The following PHF21B variants were observed in gnomAD, a reference collection of about 807,000 sequenced individuals.
The protein encoded by PHF21B is PHD finger protein 4.
PHF21B carries 22 observed loss-of-function variants against 62.2 expected under a neutral mutation model. The ratio of observed to expected loss-of-function variants is 0.35; its 90% confidence interval spans 0.25 to 0.51. PHF21B has a LOEUF of 0.51. Ranked by LOEUF, PHF21B falls within the 20% of genes least tolerant of loss-of-function variation. The pLI, the probability that PHF21B is intolerant of heterozygous loss-of-function variation, is 0.97. For missense variants in PHF21B, 701 were observed against 707.9 expected, an observed-to-expected ratio of 0.99 and a Z score of 0.11; for synonymous variants, 341 against 314.7, an observed-to-expected ratio of 1.08 and a Z score of -0.88.
At chr22:45,008,016 G>A (rs2073357622) in intron 2 of PHF21B, 2 of 152,182 alleles carry the variant, frequency 1.3e-5, no homozygotes, top group African/African-American at 4.8e-5. Flanking sequence ...GAGTCCCGGG[G>A]GCGCGTTTCT....
At chr22:45,008,839 G>A in intron 1 of PHF21B, 3 of 1,183,786 alleles carry the variant, frequency 2.5e-6, no homozygotes, top group Middle Eastern at 3.4e-4. Context: ...CGGGGCGGGG[G>A]CCGAGGCCAC....
At chr22:44,905,618 CTT>C (rs959907915) in intron 5 of PHF21B, among the ~76,000 whole-genome samples, 39 of 152,190 alleles carry the variant, frequency 2.6e-4, no homozygotes, top group African/African-American at 9.1e-4. Flanking sequence ...GGCACAATTT[CTT>C]TTTGTTTTTT....
At position 45,009,981 on chromosome 22, in the gene PHF21B, C is replaced by T. The variant is rs927306572; in HGVS notation, c.-432G>A. The T allele has an allele frequency of 2.0e-4, 30 of 146,486 alleles. No individual in the cohort carries two copies. The highest frequency in any genetic ancestry group is 3.5e-3 in the Middle Eastern group (1 of 288). 9.1% of individuals were successfully genotyped at this position (146,486 alleles called of 1,614,324 possible). On this transcript the variant is annotated 5_prime_UTR_variant, in exon 1 of 13. Transcript: ENST00000313237. This position sits in a 1 kb window ranked among gnomAD's most constrained non-coding sequence, Gnocchi z 5.9. ...TCGTTGGGCCTCGGCAAAGTTGTGC[C>T]TCGGCACGATGCTAATTCGGCAGTG...
At chr22:44,891,644 A>AC (rs2070967720) in intron 7 of PHF21B, among the ~76,000 whole-genome samples, 3 of 152,192 alleles carry the variant, frequency 2.0e-5, no homozygotes, top group African/African-American at 7.2e-5. Flanking sequence ...CTAGCTCAGG[A>AC]AGGGCCGTCA....
chr22:44,998,440 G>C (rs1379425442), intron 2 of PHF21B, among the ~76,000 whole-genome samples: 1 of 152,144 alleles, frequency 6.6e-6, no homozygotes, highest in Admixed American at 6.6e-5. Flanking sequence ...AGTCACAGGG[G>C]CCCGATCTTG....
rs377597419 is a variant in PHF21B, at chr22:44,896,045, C to T, written c.870G>A (p.Thr290=). Residue 290 remains threonine, a synonymous_variant, in exon 6 of 13, where the codon ACG becomes ACA. Transcript: ENST00000313237. ...ATCCTTCCTTACCTTCCAAATGTTCCGTGGTAACCAGGCCTAGCGCTACCA... is the reference window on the plus strand; with the variant it reads ...ATCCTTCCTTACCTTCCAAATGTTCTGTGGTAACCAGGCCTAGCGCTACCA... ...AFMVALGLVT[T]EHLEEIQSKR... is the part of the protein sequence containing the mutation. 63 of 1,614,050 alleles carry T rather than the reference C, an allele frequency of 3.9e-5. No individual in the cohort carries two copies. The highest frequency in any genetic ancestry group is 2.9e-4 in the African/African-American group (22 of 74,932).
chr22:44,921,560 T>C (rs1441068685), intron 2 of PHF21B, among the ~76,000 whole-genome samples: 1 of 150,230 alleles, frequency 6.7e-6, no homozygotes, highest in Non-Finnish European at 1.5e-5. Flanking sequence ...AGAGACGGGG[T>C]TTCACCGTGT....
chr22:44,935,561 C>CCGAGAT (rs1325729002), intron 2 of PHF21B, among the ~76,000 whole-genome samples: 3 of 151,904 alleles, frequency 2.0e-5, no homozygotes, highest in African/African-American at 7.3e-5. Context: ...TTGCAGTGAG[C>CCGAGAT]CGAGATCGAG....
At chr22:44,998,968 C>G (rs2073166358) in intron 2 of PHF21B, among the ~76,000 whole-genome samples, 1 of 152,148 alleles carries the variant, frequency 6.6e-6, no homozygotes, top group Non-Finnish European at 1.5e-5. Context: ...GGGTTTGACT[C>G]AACCCTGAGC....
chr22:44,986,053 CCAT>C (rs1386805321), intron 2 of PHF21B, among the ~76,000 whole-genome samples: 1 of 151,318 alleles, frequency 6.6e-6, no homozygotes, highest in Admixed American at 6.6e-5. Context: ...ACCACCACTA[CCAT>C]CACAATGATC....
intron 5 of PHF21B, among the ~76,000 whole-genome samples, chr22:44,901,128 C>G (rs1162149495): frequency 6.6e-6 from 1 of 152,200 alleles, no homozygotes; most frequent in Non-Finnish European, 1.5e-5. Flanking sequence ...TGGGGCCATC[C>G]AGCAGCTCGG....
intron 1 of PHF21B, chr22:45,008,968 G>A (rs929099594): frequency 7.0e-5 from 76 of 1,080,418 alleles, no homozygotes; most frequent in Non-Finnish European, 8.3e-5. Flanking sequence ...AACACGGCGA[G>A]TCCGTGTCGA....
At chr22:44,935,346 G>A (rs1276662737) in intron 2 of PHF21B, among the ~76,000 whole-genome samples, 1 of 152,058 alleles carries the variant, frequency 6.6e-6, no homozygotes, top group Non-Finnish European at 1.5e-5. Flanking sequence ...CGGGCGCGGT[G>A]GCTCACGCCT....
chr22:44,945,725 GGT>G (rs147723644), intron 2 of PHF21B, among the ~76,000 whole-genome samples: 94,226 of 134,896 alleles, frequency 0.7, 30,845 homozygotes, highest in Non-Finnish European at 0.75. Context: ...TTGGGGGGGG[GGT>G]GGTATAAAGC....
Position 44,933,383 on chromosome 22 carries a change from T to C in PHF21B, c.121-12893A>G, listed in dbSNP as rs2071780353. 3.4e-6 allele frequency: 3 copies of C among 880,720 alleles called. No homozygotes were observed. The Admixed American group carries it at 1.9e-4, about 55-fold the overall frequency. 54.6% of individuals were successfully genotyped at this position (880,720 alleles called of 1,614,324 possible). The stretch of plus-strand genomic sequence containing the variant: ...GCCTCGGCCTCCGAAAGTGATGGGA[T>C]TACAGGCGTGAGCCACTGCGCTCGG... On this transcript the variant is annotated intron_variant, in intron 2 of 12. Coordinates refer to ENST00000313237, the MANE Select transcript of PHF21B (RefSeq NM_138415.5).
chr22:44,985,240 T>G (rs545523986), intron 2 of PHF21B, among the ~76,000 whole-genome samples: 2 of 152,360 alleles, frequency 1.3e-5, no homozygotes, highest in South Asian at 4.1e-4. Context: ...CACTATTTAT[T>G]CATTAAAATT....
At chr22:44,916,026 G>C (rs1015843533) in intron 4 of PHF21B, among the ~76,000 whole-genome samples, 13 of 152,166 alleles carry the variant, frequency 8.5e-5, no homozygotes, top group Admixed American at 8.5e-4. Context: ...AATTCATGCA[G>C]CCGTATTGTC....
intron 2 of PHF21B, among the ~76,000 whole-genome samples, chr22:44,951,232 G>A (rs562450545): frequency 4.6e-5 from 7 of 152,252 alleles, no homozygotes; most frequent in African/African-American, 1.7e-4. Context: ...CAGCATCACC[G>A]CCTCAGCTCC....
Position 45,009,469 on chromosome 22 carries a change from C to G in PHF21B, c.54+27G>C, listed in dbSNP as rs1445149493. ...CCTCACCCCGCAACACACTCCCCGG[C>G]CCCGGGCCCGGCCCCCGGCCACCTA... On this transcript the variant is annotated intron_variant, in intron 1 of 12. Coordinates refer to ENST00000313237, the MANE Select transcript of PHF21B (RefSeq NM_138415.5). This position sits in a 1 kb window ranked among gnomAD's most constrained non-coding sequence, Gnocchi z 5.9. 2 of 1,526,674 alleles carry G rather than the reference C, an allele frequency of 1.3e-6. No homozygotes were observed. The highest frequency in any genetic ancestry group is 2.8e-5 in the African/African-American group (2 of 72,026). The allele number at this position is 1,526,674 out of a possible 1,614,324, so 94.6% of individuals were successfully genotyped here. A position where few individuals can be genotyped will look rare whatever the true frequency, so the allele number is the denominator to read the frequency against.
Sources: gnomAD v4.1 joint callset for allele counts (sites outside exome capture counted in the v4.1 genomes callset) on GRCh38, gnomAD v4.1.1 for gene constraint, Gnocchi (gnomAD v3.1) non-coding constraint, MANE v1.5 for transcripts, NCBI Gene and HGNC (gene_info 2026-07-23, HGNC 2026-07-21) for gene names.